Variants in CAMKV observed in about 807,000 individuals in gnomAD.
The protein encoded by CAMKV is caM kinase-like vesicle-associated protein.
CAMKV carries 5 observed loss-of-function variants against 50.2 expected under a neutral mutation model. The observed-to-expected ratio is 0.10, with a 90% CI of 0.05 to 0.21. CAMKV has a LOEUF of 0.21. Among genes scored for constraint, CAMKV ranks in the 10% least tolerant of loss-of-function variants. The probability of loss-of-function intolerance (pLI) is 1.00; values close to 1 mark genes in which losing one functional copy is unlikely to be tolerated. For missense variants in CAMKV, 361 were observed against 650.5 expected, an observed-to-expected ratio of 0.55 and a Z score of 4.84; for synonymous variants, 229 against 250.1, an observed-to-expected ratio of 0.92 and a Z score of 0.80.
rs964968550 is a variant in CAMKV at position 49,862,610 on chromosome 3, C to G, written c.-14-208G>C. Reference sequence around the variant, plus strand: ...CTCAGCTTGGCTGCCTGAAGTGCAACAGCCTACATATGAAAAAATGTATTA... The same window carrying G: ...CTCAGCTTGGCTGCCTGAAGTGCAAGAGCCTACATATGAAAAAATGTATTA... On this transcript the variant is annotated intron_variant, in intron 1 of 10. Transcript: ENST00000477224. The surrounding 1 kb of genome is among the most constrained non-coding windows in gnomAD (Gnocchi z 5.2). Among the ~76,000 whole-genome samples, 6 of 152,206 alleles carry G rather than the reference C, an allele frequency of 3.9e-5. No homozygotes were observed. The highest frequency in any genetic ancestry group is 1.4e-4 in the African/African-American group (6 of 41,446).
rs1559455873 is a variant in CAMKV at position 49,859,812 on chromosome 3, G to C, written c.1012C>G (p.Gln338Glu). The C allele has an allele frequency of 6.5e-7, 1 of 1,544,840 alleles. No individual in the cohort carries two copies. The highest frequency in any genetic ancestry group is 1.2e-5 in the South Asian group (1 of 81,246). Residue 338 changes from glutamine (Q) to glutamate (E), a missense_variant, in exon 11 of 11, where the codon CAG becomes GAG. By Grantham distance (29) the Gln-to-Glu change is conservative (BLOSUM62 2). Around this residue, in one of 4 missense-constraint regions of CAMKV, gnomAD observed 87 missense variants for 92.0 expected, o/e 0.95. Transcript: ENST00000477224. The surrounding 1 kb of genome is among the most constrained non-coding windows in gnomAD (Gnocchi z 5.5). ...GCAGTGTCTGTGGCTGAGGCCGACTGGGCTGCAGCCGTGCTGGACTGCTCT... is the reference window on the plus strand; with the variant it reads ...GCAGTGTCTGTGGCTGAGGCCGACTCGGCTGCAGCCGTGCTGGACTGCTCT... ...APEQSSTAAA[Q>E]SASATDTATP... is the part of the protein sequence containing the mutation.
At position 49,861,704 on chromosome 3, in the gene CAMKV, A is replaced by C; in HGVS notation, c.302+87T>G. 1.9e-6 allele frequency: 3 copies of C among 1,594,848 alleles called. No individual in the cohort carries two copies. In the South Asian group the frequency reaches 3.3e-5, roughly 18 times the overall value. On this transcript the variant is annotated intron_variant, in intron 4 of 10. Transcript: ENST00000477224. This position sits in a 1 kb window ranked among gnomAD's most constrained non-coding sequence, Gnocchi z 7.7. ...CAGGGACCTGGGACGCCAAGGGTCC[A>C]GAAAGGGGGTTTCCTTAGCTGCAGA...
chr3:49,863,978 GT>G (rs1295694893), intron 1 of CAMKV, among the ~76,000 whole-genome samples: 1 of 152,136 alleles, frequency 6.6e-6, no homozygotes, highest in South Asian at 2.1e-4. Flanking sequence ...ATTTTTTAAA[GT>G]TTACATACTG....
Position 49,858,248 on chromosome 3 carries a change from G to C in CAMKV, c.*1070C>G. The C allele has an allele frequency of 2.5e-6, 1 of 398,672 alleles. No homozygotes were observed. The highest frequency in any genetic ancestry group is 4.4e-6 in the Non-Finnish European group (1 of 226,080). 24.7% of individuals were successfully genotyped at this position (398,672 alleles called of 1,614,324 possible). On this transcript the variant is annotated 3_prime_UTR_variant, in exon 11 of 11. Coordinates refer to ENST00000477224, the MANE Select transcript of CAMKV (RefSeq NM_024046.5). Reference sequence around the variant, plus strand: ...ATCCCAGAAAAAGCAACTCAATGTGGCTCTGAGGCACCTGGGCCTCTGATA... The same window carrying C: ...ATCCCAGAAAAAGCAACTCAATGTGCCTCTGAGGCACCTGGGCCTCTGATA...
chr3:49,861,103 AT>A lies in CAMKV; in HGVS notation c.562+76del. 6.3e-7 allele frequency: 1 copy of A among 1,599,750 alleles called. No individual in the cohort carries two copies. Among genetic ancestry groups the A allele is most frequent in the Non-Finnish European group, 8.5e-7 (1 of 1,172,498 alleles). On this transcript the variant is annotated intron_variant, in intron 6 of 10. Transcript: ENST00000477224. The surrounding 1 kb of genome is among the most constrained non-coding windows in gnomAD (Gnocchi z 7.7). Reference sequence around the variant, plus strand: ...CACACCAGCTTCCTGAGATGAGCACATTTTCCCCCTGCCCAGAGCAGCTCCC... The same window carrying A: ...CACACCAGCTTCCTGAGATGAGCACATTTCCCCCTGCCCAGAGCAGCTCCC...
At chr3:49,866,222 C>T (rs1174654468) in intron 1 of CAMKV, among the ~76,000 whole-genome samples, 1 of 152,168 alleles carries the variant, frequency 6.6e-6, no homozygotes, top group Non-Finnish European at 1.5e-5. Flanking sequence ...TTCCCTCTGC[C>T]CACACCCACT....
chr3:49,863,875 G>A (rs2082044013), intron 1 of CAMKV, among the ~76,000 whole-genome samples: 1 of 151,512 alleles, frequency 6.6e-6, no homozygotes, highest in Non-Finnish European at 1.5e-5. Context: ...TGCCCAGGCT[G>A]TTCTTGAACT....
rs372180929 is a variant in CAMKV, at chr3:49,865,925, G to A, written c.-14-3523C>T. ...AGCTTTCGGCTCTGCATATGCATTC[G>A]TGCCCACTGAGGTCCAGGGCTGGTC... is the stretch of plus-strand genomic sequence containing the variant. On this transcript the variant is annotated intron_variant, in intron 1 of 10. Coordinates refer to ENST00000477224, the MANE Select transcript of CAMKV (RefSeq NM_024046.5). Among the ~76,000 whole-genome samples, 4 of 152,122 alleles carry A rather than the reference G, an allele frequency of 2.6e-5. No individual in the cohort carries two copies. The South Asian group carries it at 6.2e-4, about 24-fold the overall frequency.
chr3:49,860,187 G>T lies in CAMKV; in HGVS notation c.926C>A (p.Ala309Asp). The T allele has an allele frequency of 6.2e-7, 1 of 1,613,936 alleles. No homozygotes were observed. Among genetic ancestry groups the T allele is most frequent in the Non-Finnish European group, 8.5e-7 (1 of 1,179,870 alleles). Residue 309 changes from alanine to aspartate, a missense_variant, in exon 10 of 11, where the codon GCC becomes GAC. Coordinates refer to ENST00000477224, the MANE Select transcript of CAMKV (RefSeq NM_024046.5). This position sits in a 1 kb window ranked among gnomAD's most constrained non-coding sequence, Gnocchi z 6.1. ...AAGCCTTACCTTCCACTTGGCCCTG[G>T]CAAAGTTCTTTTCAATCTGGGCACA... ...GVCAQIEKNF[A>D]RAKWKKAVRV...
At chr3:49,866,848 TTGGGGTCCTGTCCC>T (rs2082069125) in intron 1 of CAMKV, among the ~76,000 whole-genome samples, 1 of 152,240 alleles carries the variant, frequency 6.6e-6, no homozygotes, top group Admixed American at 6.5e-5. Flanking sequence ...AGGCCCCACA[TTGGGGTCCTGTCCC>T]CTCCTCCGCT....
rs968326140 is a variant in CAMKV, at chr3:49,869,491, C to T, written c.-15+267G>A. On this transcript the variant is annotated intron_variant, in intron 1 of 10. Transcript: ENST00000477224. The surrounding 1 kb of genome is among the most constrained non-coding windows in gnomAD (Gnocchi z 5.2). The stretch of plus-strand genomic sequence containing the variant: ...CCTATCCTCACGGGGGACCACGAAT[C>T]TTCGAGGGTTAATCTTTTCACAATT... Among the ~76,000 whole-genome samples the T allele has an allele frequency of 1.3e-5, 2 of 152,150 alleles. No homozygotes were observed. Among genetic ancestry groups the T allele is most frequent in the African/African-American group, 4.8e-5 (2 of 41,434 alleles).
Position 49,862,245 on chromosome 3 carries a change from C to A in CAMKV, c.95+49G>T, listed in dbSNP as rs1035143894. The stretch of plus-strand genomic sequence containing the variant: ...CTGCACTCCACTGCCACTTCCCTAG[C>A]CCCTGCTCACCAGCCCACCCAGCCT... On this transcript the variant is annotated intron_variant, in intron 2 of 10. Coordinates refer to ENST00000477224, the MANE Select transcript of CAMKV (RefSeq NM_024046.5). The surrounding 1 kb of genome is among the most constrained non-coding windows in gnomAD (Gnocchi z 5.2). 18 of 1,614,138 alleles carry A rather than the reference C, an allele frequency of 1.1e-5. No homozygotes were observed. The highest frequency in any genetic ancestry group is 1.5e-5 in the Non-Finnish European group (18 of 1,180,002).
chr3:49,859,947 C>A lies in CAMKV; in HGVS notation c.943-66G>T. The stretch of plus-strand genomic sequence containing the variant: ...GCTGGATCCATTGCTTGGCAGTGAC[C>A]AAACCAAACTCCTTCCATAGTACCC... On this transcript the variant is annotated intron_variant, in intron 10 of 10. Coordinates refer to ENST00000477224, the MANE Select transcript of CAMKV (RefSeq NM_024046.5). The surrounding 1 kb of genome is among the most constrained non-coding windows in gnomAD (Gnocchi z 5.5). 1.4e-6 allele frequency: 2 copies of A among 1,429,168 alleles called. No individual in the cohort carries two copies. The highest frequency in any genetic ancestry group is 2.3e-5 in the East Asian group (1 of 43,092). 88.5% of individuals were successfully genotyped at this position (1,429,168 alleles called of 1,614,324 possible).
In CAMKV at chr3:49,862,090, C is replaced by T. The variant is rs772689036; in HGVS notation, c.182G>A (p.Arg61His). 2 of 1,614,060 alleles carry T rather than the reference C, an allele frequency of 1.2e-6. No homozygotes were observed. The highest frequency in any genetic ancestry group is 1.7e-6 in the Non-Finnish European group (2 of 1,180,042). ...GTTCTTGGCAGCTTTCCGCACCTTG[C>T]GGCCGTCCCGCTTCTGGAACTTCTT... Reference protein sequence around the residue: ...TCKKFQKRDGRKVRKAAKNEI... With the variant: ...TCKKFQKRDGHKVRKAAKNEI... The change falls in exon 3 of 11, where the codon CGC (arginine) becomes CAC (histidine). Residue 61 changes from arginine (R) to histidine (H), a missense_variant. Transcript: ENST00000477224. The surrounding 1 kb of genome is among the most constrained non-coding windows in gnomAD (Gnocchi z 5.2).
Position 49,860,375 on chromosome 3 carries a change from CTCT to C in CAMKV, c.854+93_854+95del. The C allele has an allele frequency of 6.5e-7, 1 of 1,538,822 alleles. No individual in the cohort carries two copies. The highest frequency in any genetic ancestry group is 9.0e-7 in the Non-Finnish European group (1 of 1,116,450). On this transcript the variant is annotated intron_variant, in intron 9 of 10. Coordinates refer to ENST00000477224, the MANE Select transcript of CAMKV (RefSeq NM_024046.5). This position sits in a 1 kb window ranked among gnomAD's most constrained non-coding sequence, Gnocchi z 6.1. Reference sequence around the variant, plus strand: ...GGCAGAGCCTCTGGGCTGCCCTGAGCTCTAGGTACCTGCACCCCTTCCAGGCCT... The same window carrying C: ...GGCAGAGCCTCTGGGCTGCCCTGAGCAGGTACCTGCACCCCTTCCAGGCCT...
chr3:49,864,177 G>A (rs1374376524), intron 1 of CAMKV, among the ~76,000 whole-genome samples: 1 of 152,180 alleles, frequency 6.6e-6, no homozygotes, highest in Non-Finnish European at 1.5e-5. Context: ...CAGTGCTTGG[G>A]GGATTCCTCA....
At chr3:49,865,944 G>A (rs552081303) in intron 1 of CAMKV, among the ~76,000 whole-genome samples, 8 of 152,330 alleles carry the variant, frequency 5.3e-5, no homozygotes, top group East Asian at 1.9e-4. Context: ...GAGGTCCAGG[G>A]CTGGTCATGG....
rs1353045571 is a variant in CAMKV at position 49,861,731 on chromosome 3, G to T, written c.302+60C>A. The T allele has an allele frequency of 3.1e-6, 5 of 1,598,542 alleles. No homozygotes were observed. The highest frequency in any genetic ancestry group is 2.7e-5 in the African/African-American group (2 of 74,584). On this transcript the variant is annotated intron_variant, in intron 4 of 10. Coordinates refer to ENST00000477224, the MANE Select transcript of CAMKV (RefSeq NM_024046.5). The surrounding 1 kb of genome is among the most constrained non-coding windows in gnomAD (Gnocchi z 7.7). ...AAAGGGGGTTTCCTTAGCTGCAGAG[G>T]GTGGGACAGGTGAAAGCCCTGGGCG...
intron 1 of CAMKV, among the ~76,000 whole-genome samples, chr3:49,868,854 G>T (rs556609634): frequency 6.6e-6 from 1 of 152,304 alleles, no homozygotes; most frequent in South Asian, 2.1e-4. Context: ...TGGGACAGAG[G>T]GCCCTGATCC....
Sources: allele counts gnomAD v4.1 joint callset (sites outside exome capture counted in the v4.1 genomes callset), GRCh38; gene constraint gnomAD v4.1.1; regional missense constraint gnomAD v4.1.1; non-coding constraint Gnocchi (gnomAD v3.1); transcripts MANE v1.5; gene names NCBI Gene and HGNC (gene_info 2026-07-23, HGNC 2026-07-21).